The following TAF4 variants were observed in gnomAD, a reference collection of about 807,000 sequenced individuals.
TAF4 encodes TATA-box binding protein associated factor 4.
A neutral mutation model predicts 90.3 loss-of-function variants in TAF4; 9 were observed. The observed-to-expected ratio is 0.10, with a 90% CI of 0.06 to 0.17. The LOEUF (loss-of-function observed/expected upper bound fraction) is 0.17. Ranked by LOEUF, TAF4 falls within the 10% of genes least tolerant of loss-of-function variation. TAF4 has a pLI of 1.00. For missense variants in TAF4, 1,351 were observed against 1,370.7 expected, an observed-to-expected ratio of 0.99 and a Z score of 0.23; for synonymous variants, 818 against 638.9, an observed-to-expected ratio of 1.28 and a Z score of -4.23.
At chr20:62,013,810 G>A (rs1318229817) in intron 2 of TAF4, among the ~76,000 whole-genome samples, 1 of 152,248 alleles carries the variant, frequency 6.6e-6, no homozygotes, top group Admixed American at 6.5e-5. Flanking sequence ...CACACGCCGG[G>A]AGAGGCAAGT....
chr20:61,979,109 T>TG (rs534729981), intron 14 of TAF4: 64 of 153,306 alleles, frequency 4.2e-4, no homozygotes, highest in African/African-American at 1.4e-3. Flanking sequence ...GCTCTGAAGA[T>TG]GGAGTGGAGA....
At position 62,065,559 on chromosome 20, in the gene TAF4, T is replaced by C. The variant is rs1325315786; in HGVS notation, c.252A>G (p.Gly84=). The C allele has an allele frequency of 3.1e-6, 3 of 972,814 alleles. No individual in the cohort carries two copies. The highest frequency in any genetic ancestry group is 1.9e-5 in the African/African-American group (1 of 54,034). 60.3% of individuals were successfully genotyped at this position (972,814 alleles called of 1,614,324 possible). A position where few individuals can be genotyped will look rare whatever the true frequency, so the allele number is the denominator to read the frequency against. Residue 84 remains glycine, a synonymous_variant, in exon 1 of 15, where the codon GGA becomes GGG. Coordinates refer to ENST00000252996, the MANE Select transcript of TAF4 (RefSeq NM_003185.4). ...CTGCGGGGGGCGGCTCCGGCGCCGC[T>C]CCGGGCGCGCCCTCGGCGGGGGCGG... ...GPAAPAEGAP[G]AAPEPPPAGR...
In TAF4 at chr20:61,975,829, A is replaced by G. The variant is rs1184163100; in HGVS notation, c.*339T>C. On this transcript the variant is annotated 3_prime_UTR_variant, in exon 15 of 15. Coordinates refer to ENST00000252996, the MANE Select transcript of TAF4 (RefSeq NM_003185.4). ...ATAGTAAGTTAGGTAGAACTAAACC[A>G]AAATGCACAAATAATGCAGAAACTG... 1.1e-5 allele frequency: 3 copies of G among 278,556 alleles called. No homozygotes were observed. The highest frequency in any genetic ancestry group is 6.4e-5 in the African/African-American group (3 of 46,702). 17.3% of individuals were successfully genotyped at this position (278,556 alleles called of 1,614,324 possible). A position where few individuals can be genotyped will look rare whatever the true frequency, so the allele number is the denominator to read the frequency against.
At chr20:62,045,202 C>G (rs1394650771) in intron 1 of TAF4, among the ~76,000 whole-genome samples, 1 of 152,218 alleles carries the variant, frequency 6.6e-6, no homozygotes, top group African/African-American at 2.4e-5. Context: ...CATCGGGATG[C>G]TCCCCGCTCA....
In TAF4 at chr20:62,065,053, G is replaced by C; in HGVS notation, c.758C>G (p.Ala253Gly). The C allele has an allele frequency of 7.4e-6, 6 of 815,608 alleles. No individual in the cohort carries two copies. The highest frequency in any genetic ancestry group is 8.8e-6 in the Non-Finnish European group (6 of 683,762). 50.5% of individuals were successfully genotyped at this position (815,608 alleles called of 1,614,324 possible). ...FVGAAAPPAP[A>G]APSPPAAPAP... is the part of the protein sequence containing the mutation. ...GGGGGCGGCGGGGGGCGAGGGCGCG[G>C]CGGGCGCGGGGGGCGCGGCGGCGCC... The change falls in exon 1 of 15, where the codon GCC (alanine) becomes GGC (glycine). Residue 253 changes from alanine (A) to glycine (G), a missense_variant. Ala to Gly is a moderately conservative substitution (Grantham distance 60, BLOSUM62 0). Transcript: ENST00000252996.
At chr20:62,053,279 G>A (rs181355261) in intron 1 of TAF4, among the ~76,000 whole-genome samples, 9 of 152,164 alleles carry the variant, frequency 5.9e-5, no homozygotes, top group South Asian at 4.2e-4. Flanking sequence ...GAGCCACGGC[G>A]GCCCTGAGTG....
intron 1 of TAF4, among the ~76,000 whole-genome samples, chr20:62,043,032 A>C (rs1406874730): frequency 2.0e-5 from 3 of 152,214 alleles, no homozygotes; most frequent in African/African-American, 7.2e-5. Context: ...TAAAAATGGA[A>C]AAAAGCTCGC....
At chr20:62,022,901 G>T (rs540734638) in intron 1 of TAF4, among the ~76,000 whole-genome samples, 1 of 150,554 alleles carries the variant, frequency 6.6e-6, no homozygotes, top group South Asian at 2.1e-4. Flanking sequence ...GTAAAATCAT[G>T]AACTTTGATT....
Position 62,000,135 on chromosome 20 carries a change from A to T in TAF4, c.2776T>A (p.Phe926Ile), listed in dbSNP as rs528111024. The change falls in exon 11 of 15, where the codon TTT (phenylalanine) becomes ATT (isoleucine). Residue 926 changes from phenylalanine (F) to isoleucine (I), a missense_variant. By Grantham distance (21) the Phe-to-Ile change is conservative. This residue lies in a region of TAF4 where 95 missense variants were observed against 151.3 expected (regional missense o/e 0.63). Transcript: ENST00000252996. ...AAACAGCCTGTTACCTTGTAAGAAA[A>T]GTTCTTCTGCTGAGCTGTTTCTGAT... is the stretch of plus-strand genomic sequence containing the variant. ...KISETAQQKN[F>I]SYKDDDRYEQ... is the part of the protein sequence containing the mutation. 1.2e-6 allele frequency: 2 copies of T among 1,614,220 alleles called. No individual in the cohort carries two copies. The highest frequency in any genetic ancestry group is 4.5e-5 in the East Asian group (2 of 44,886).
intron 1 of TAF4, among the ~76,000 whole-genome samples, chr20:62,052,609 T>TC (rs1383252300): frequency 6.6e-6 from 1 of 150,622 alleles, no homozygotes; most frequent in African/African-American, 2.5e-5. Context: ...TCTTGTCACC[T>TC]CCCCCACAAC....
intron 1 of TAF4, among the ~76,000 whole-genome samples, chr20:62,022,189 G>A (rs932139153): frequency 1.3e-5 from 2 of 152,174 alleles, no homozygotes; most frequent in Non-Finnish European, 2.9e-5. Context: ...GTGGGCCTGC[G>A]ATGGTTTCTG....
chr20:62,036,886 C>T (rs978055302), intron 1 of TAF4, among the ~76,000 whole-genome samples: 2 of 152,184 alleles, frequency 1.3e-5, no homozygotes, highest in Admixed American at 6.5e-5. Flanking sequence ...CCTCATTAAC[C>T]GGATTAGCGC....
chr20:62,004,180 C>T (rs532876374), intron 7 of TAF4, among the ~76,000 whole-genome samples: 2 of 152,240 alleles, frequency 1.3e-5, no homozygotes, highest in South Asian at 2.1e-4. Context: ...CTGGAGGGGG[C>T]GGGTGGCAAA....
intron 14 of TAF4, among the ~76,000 whole-genome samples, chr20:61,984,356 C>T (rs1242958810): frequency 6.6e-6 from 1 of 152,234 alleles, no homozygotes; most frequent in Non-Finnish European, 1.5e-5. Context: ...CAAGTGCACA[C>T]GCACCAACCC....
intron 1 of TAF4, among the ~76,000 whole-genome samples, chr20:62,043,065 T>C (rs1289640135): frequency 6.6e-6 from 1 of 152,162 alleles, no homozygotes; most frequent in Non-Finnish European, 1.5e-5. Context: ...CACACGTCTG[T>C]AAACCCAGCA....
intron 2 of TAF4, among the ~76,000 whole-genome samples, chr20:62,014,317 C>T (rs1031656414): frequency 6.6e-6 from 1 of 152,064 alleles, no homozygotes; most frequent in South Asian, 2.1e-4. Context: ...CAGTGGGCTG[C>T]GGGAGCTGGT....
intron 14 of TAF4, among the ~76,000 whole-genome samples, chr20:61,979,742 A>G (rs2055525501): frequency 6.8e-6 from 1 of 147,386 alleles, no homozygotes; most frequent in Non-Finnish European, 1.5e-5. Flanking sequence ...TGGCCACTCC[A>G]GAGGTACTGC....
At position 62,010,374 on chromosome 20, in the gene TAF4, G is replaced by A. The variant is rs557525119; in HGVS notation, c.1642-209C>T. On this transcript the variant is annotated intron_variant, in intron 3 of 14. Coordinates refer to ENST00000252996, the MANE Select transcript of TAF4 (RefSeq NM_003185.4). This position sits in a 1 kb window ranked among gnomAD's most constrained non-coding sequence, Gnocchi z 4.5. ...TGTGCCCTGACGATCGCAGTCCTGAGCGGGTGAGGAAGGCATGATTTGCAC... is the reference window on the plus strand; with the variant it reads ...TGTGCCCTGACGATCGCAGTCCTGAACGGGTGAGGAAGGCATGATTTGCAC... Among the ~76,000 whole-genome samples, 1 of 152,284 alleles carries A rather than the reference G, an allele frequency of 6.6e-6. No homozygotes were observed. The highest frequency in any genetic ancestry group is 2.1e-4 in the South Asian group (1 of 4,826).
chr20:61,983,292 C>CA (rs60160264), intron 14 of TAF4, among the ~76,000 whole-genome samples: 18,071 of 104,774 alleles, frequency 0.17, 1,337 homozygotes, highest in East Asian at 0.45. Context: ...TTCCTAAATA[C>CA]AAAAAAAAAA....
Sources: gnomAD v4.1 joint callset for allele counts (sites outside exome capture counted in the v4.1 genomes callset) on GRCh38, gnomAD v4.1.1 for gene constraint, gnomAD v4.1.1 regional missense constraint, Gnocchi (gnomAD v3.1) non-coding constraint, MANE v1.5 for transcripts, NCBI Gene and HGNC (gene_info 2026-07-23, HGNC 2026-07-21) for gene names.